PARD3: variants seen among roughly 807,000 people sequenced by gnomAD.
PARD3 encodes the protein partitioning defective 3 homolog.
PARD3 carries 75 observed loss-of-function variants against 155.4 expected under a neutral mutation model. The ratio of observed to expected loss-of-function variants is 0.48; its 90% CI spans 0.40 to 0.58. PARD3 has a LOEUF of 0.58. Among genes scored for constraint, PARD3 ranks in the 20% least tolerant of loss-of-function variants. The pLI is 0.00. For missense variants in PARD3, 1,642 were observed against 1,721.7 expected (o/e 0.95, Z 0.82); for synonymous variants, 576 against 610.5 (o/e 0.94, Z 0.83).
chr10:34,353,034 G>A (rs1336084310), intron 14 of PARD3, among the ~76,000 whole-genome samples: 4 of 150,120 alleles, frequency 2.7e-5, no homozygotes, highest in South Asian at 2.1e-4. Flanking sequence ...CTGCCCGGCC[G>A]CCCCGTCTGA....
At chr10:34,752,216 G>A (rs976954700) in intron 1 of PARD3, among the ~76,000 whole-genome samples, 7 of 151,432 alleles carry the variant, frequency 4.6e-5, no homozygotes, top group African/African-American at 1.7e-4. Context: ...AGCTTACCAG[G>A]GAACAACTCA....
chr10:34,411,893 T>C (rs940945519), intron 5 of PARD3, among the ~76,000 whole-genome samples: 1 of 151,580 alleles, frequency 6.6e-6, no homozygotes, highest in South Asian at 2.1e-4. Flanking sequence ...TTTCTATGTA[T>C]TTTAACAAAA....
intron 5 of PARD3, 52 bp from the exon 6 acceptor site, chr10:34,401,969 A>G (rs747951898): frequency 6.5e-6 from 9 of 1,392,256 alleles, no homozygotes; most frequent in Admixed American, 1.7e-5. Flanking sequence ...GTTTCTTGCT[A>G]CAATGTGAAA....
At chr10:34,209,640 A>G (rs1246062903) in intron 22 of PARD3, among the ~76,000 whole-genome samples, 1 of 152,152 alleles carries the variant, frequency 6.6e-6, no homozygotes, top group East Asian at 1.9e-4. Context: ...GTTCCCACCA[A>G]TTACTAGCTA....
At chr10:34,197,525 T>C (rs977527515) in intron 22 of PARD3, among the ~76,000 whole-genome samples, 1 of 152,220 alleles carries the variant, frequency 6.6e-6, no homozygotes, top group Non-Finnish European at 1.5e-5. Context: ...GTAGACATCA[T>C]TAATTTGCAT....
At chr10:34,188,498 A>G (rs981581683) in intron 22 of PARD3, among the ~76,000 whole-genome samples, 16 of 152,256 alleles carry the variant, frequency 1.1e-4, no homozygotes, top group African/African-American at 3.4e-4. Flanking sequence ...TGGGCCAGAA[A>G]AGAATTGCCC....
Position 34,168,261 on chromosome 10 carries a change from G to A in PARD3, c.3420-36678C>T, listed in dbSNP as rs1010831023. On this transcript the variant is annotated intron_variant, in intron 22 of 24. Transcript: ENST00000374788. ...ATGAAGTTTCAGAAACAGTTATTTA[G>A]TGGTAGTTTTATATTTGATATGAAA... Among the ~76,000 whole-genome samples, 8 of 152,226 alleles carry A rather than the reference G, an allele frequency of 5.3e-5. No individual in the cohort carries two copies. The South Asian group carries it at 1.5e-3, about 28-fold the overall frequency.
At chr10:34,509,083 T>G (rs1297733257) in intron 3 of PARD3, among the ~76,000 whole-genome samples, 2 of 152,190 alleles carry the variant, frequency 1.3e-5, no homozygotes, top group African/African-American at 4.8e-5. Flanking sequence ...AAGGAGTATC[T>G]GCATAACAAG....
intron 1 of PARD3, among the ~76,000 whole-genome samples, chr10:34,714,471 G>C: frequency 6.6e-6 from 1 of 152,122 alleles, no homozygotes; most frequent in Non-Finnish European, 1.5e-5. Flanking sequence ...ACACTGCGTG[G>C]GGTCCAAGTT....
intron 2 of PARD3, among the ~76,000 whole-genome samples, chr10:34,563,871 C>T (rs139898951): frequency 6.6e-6 from 1 of 152,210 alleles, no homozygotes; most frequent in East Asian, 1.9e-4. Context: ...AAAAATTTTG[C>T]TAGTATGACA....
chr10:34,237,520 G>C (rs1192202985), intron 22 of PARD3, among the ~76,000 whole-genome samples: 1 of 152,128 alleles, frequency 6.6e-6, no homozygotes, highest in Non-Finnish European at 1.5e-5. Context: ...TGTTTAACAA[G>C]TTTAATTAAG....
At chr10:34,666,796 A>AAAT (rs1358640964) in intron 2 of PARD3, among the ~76,000 whole-genome samples, 3 of 66,962 alleles carry the variant, frequency 4.5e-5, no homozygotes, top group African/African-American at 1.2e-4. Context: ...AAAAAAAAAA[A>AAAT]ATATATATAT....
In PARD3 at chr10:34,581,234, C is replaced by CTTTTTTTTT. The variant is rs779658592; in HGVS notation, c.223-64084_223-64076dup. Among the ~76,000 whole-genome samples, 995 of 101,092 alleles carry CTTTTTTTTT rather than the reference C, an allele frequency of 9.8e-3. 48 individuals are homozygous for CTTTTTTTTT. Among genetic ancestry groups the CTTTTTTTTT allele is most frequent in the Non-Finnish European group, 0.01 (562 of 53,826 alleles). The allele number at this position is 101,092 out of a possible 152,430, so 66.3% of individuals were successfully genotyped here. A position where few individuals can be genotyped will look rare whatever the true frequency, so the allele number is the denominator to read the frequency against. ...TTTTGGTTATTTTTCTTTTTCTTTT[C>CTTTTTTTTT]TTTTTTTTTTTTTTTTTTGAGACGG... On this transcript the variant is annotated intron_variant, in intron 2 of 24. Transcript: ENST00000374788.
chr10:34,343,745 A>T (rs960896190), intron 15 of PARD3: 16 of 984,386 alleles, frequency 1.6e-5, no homozygotes, highest in Non-Finnish European at 1.9e-5. Flanking sequence ...ACCTTCTATG[A>T]CTTGAGAAGG....
intron 2 of PARD3, among the ~76,000 whole-genome samples, chr10:34,636,710 T>C (rs1366948242): frequency 6.6e-6 from 1 of 152,168 alleles, no homozygotes; most frequent in Non-Finnish European, 1.5e-5. Context: ...TTTGACTGCA[T>C]GCGCTCTAGG....
At chr10:34,113,509 AC>A (rs1946500519) in intron 24 of PARD3, among the ~76,000 whole-genome samples, 3 of 150,764 alleles carry the variant, frequency 2.0e-5, no homozygotes. Flanking sequence ...ACACACACAC[AC>A]ACACACACAC....
chr10:34,432,329 C>T (rs867293382), intron 5 of PARD3, among the ~76,000 whole-genome samples: 3 of 110,860 alleles, frequency 2.7e-5, no homozygotes, highest in South Asian at 3.2e-4. Flanking sequence ...AAGATATACA[C>T]GTGCACATAC....
In PARD3 at chr10:34,317,422, C is replaced by T. The variant is rs980842385; in HGVS notation, c.2834-84G>A. On this transcript the variant is annotated intron_variant, in intron 19 of 24. Transcript: ENST00000374788. ...AGCTAAAATACATTCAAGGACTTTACTTTCCCACACTTTTACTGCAGTATG... is the reference window on the plus strand; with the variant it reads ...AGCTAAAATACATTCAAGGACTTTATTTTCCCACACTTTTACTGCAGTATG... 20 of 1,399,882 alleles carry T rather than the reference C, an allele frequency of 1.4e-5. No homozygotes were observed. The African/African-American group carries it at 1.7e-4, about 12-fold the overall frequency. The allele number at this position is 1,399,882 out of a possible 1,614,324, so 86.7% of individuals were successfully genotyped here.
At chr10:34,665,043 G>GAGAGGGAGGATCCCCC (rs1564478080) in intron 2 of PARD3, among the ~76,000 whole-genome samples, 2 of 151,180 alleles carry the variant, frequency 1.3e-5, no homozygotes, top group African/African-American at 4.9e-5. Context: ...GAGGGAGGGG[G>GAGAGGGAGGATCCCCC]ATCCTACTGA....
Sources: gnomAD v4.1 joint callset for allele counts (sites outside exome capture counted in the v4.1 genomes callset) on GRCh38, gnomAD v4.1.1 for gene constraint, MANE v1.5 for transcripts, NCBI Gene and HGNC (gene_info 2026-07-23, HGNC 2026-07-21) for gene names.